ATP10D: variants seen among roughly 807,000 people sequenced by gnomAD.
ATP10D encodes the protein ATPase phospholipid transporting 10D (putative), also known as phospholipid-transporting ATPase VD.
A neutral mutation model predicts 144.8 loss-of-function variants in ATP10D; 89 were observed. The ratio of observed to expected loss-of-function variants is 0.61; its 90% confidence interval spans 0.52 to 0.73. The LOEUF (loss-of-function observed/expected upper bound fraction) is 0.73. Among genes scored for constraint, ATP10D ranks in the 30% least tolerant of loss-of-function variants. The pLI is 0.00. For synonymous variants in ATP10D, 571 were observed against 615.1 expected, an observed-to-expected ratio of 0.93 and a Z score of 1.06; for missense variants, 1,603 against 1,714.8, an observed-to-expected ratio of 0.93 and a Z score of 1.15.
At chr4:47,568,810 C>T (rs1351105759) in intron 15 of ATP10D, 27 bp from the exon 16 acceptor site, 4 of 1,594,400 alleles carry the variant, frequency 2.5e-6, no homozygotes, top group Non-Finnish European at 3.4e-6. Flanking sequence ...CGCCTGGAGG[C>T]TAACCACCTT....
chr4:47,485,427 C>T lies in ATP10D; in HGVS notation c.-130C>T, dbSNP rs1714693269. Reference sequence around the variant, plus strand: ...GCAAATGGCTGGCGTGGAAGCACAACCCGCTTTCACTCTTCGAATTTGTGC... The same window carrying T: ...GCAAATGGCTGGCGTGGAAGCACAATCCGCTTTCACTCTTCGAATTTGTGC... On this transcript the variant is annotated 5_prime_UTR_variant, in exon 1 of 23. Coordinates refer to ENST00000273859, the MANE Select transcript of ATP10D (RefSeq NM_020453.4). 1 of 151,832 alleles carries T rather than the reference C, an allele frequency of 6.6e-6. No individual in the cohort carries two copies. Among genetic ancestry groups the T allele is most frequent in the South Asian group, 2.1e-4 (1 of 4,816 alleles). The allele number at this position is 151,832 out of a possible 1,614,324, so 9.4% of individuals were successfully genotyped here. A position where few individuals can be genotyped will look rare whatever the true frequency, so the allele number is the denominator to read the frequency against.
chr4:47,537,798 GTT>G (rs887222631), intron 9 of ATP10D, among the ~76,000 whole-genome samples: 4 of 152,092 alleles, frequency 2.6e-5, no homozygotes, highest in Non-Finnish European at 5.9e-5. Context: ...CACTTAGTTT[GTT>G]AATATAAAAG....
Position 47,536,940 on chromosome 4 carries a change from T to C in ATP10D, c.1396+2T>C. 6.2e-7 allele frequency: 1 copy of C among 1,604,412 alleles called. No individual in the cohort carries two copies. Among genetic ancestry groups the C allele is most frequent in the Non-Finnish European group, 8.5e-7 (1 of 1,176,062 alleles). ...TTGATTACTGCCATGAAGAAAATGGTGAGTGTTGGATTTCCGTGAAAACCA... is the reference window on the plus strand; with the variant it reads ...TTGATTACTGCCATGAAGAAAATGGCGAGTGTTGGATTTCCGTGAAAACCA... On this transcript the variant is annotated splice_donor_variant, in intron 9 of 22. Transcript: ENST00000273859. LOFTEE classifies it high-confidence loss of function.
At chr4:47,554,677 A>G in intron 10 of ATP10D, 49 bp from the exon 11 acceptor site, 1 of 1,430,716 alleles carries the variant, frequency 7.0e-7, no homozygotes, top group Non-Finnish European at 9.4e-7. Flanking sequence ...ATTTAAAACT[A>G]ATTTTTATAT....
At chr4:47,503,170 C>G (rs955074402) in intron 1 of ATP10D, among the ~76,000 whole-genome samples, 7 of 152,056 alleles carry the variant, frequency 4.6e-5, no homozygotes, top group African/African-American at 1.7e-4. Context: ...CCACTGCACT[C>G]CAGCCTGGGT....
Position 47,529,706 on chromosome 4 carries a change from G to A in ATP10D, c.776+4064G>A, listed in dbSNP as rs147017774. 7.8e-3 allele frequency among the ~76,000 whole-genome samples: 1,189 copies of A among 152,044 alleles called. 18 individuals carry two copies. Among genetic ancestry groups the A allele is most frequent in the African/African-American group, 0.027 (1,102 of 41,470 alleles). On this transcript the variant is annotated intron_variant, in intron 5 of 22. Transcript: ENST00000273859. ...GACGTTGATATTTTATAGGAATTAC[G>A]TTGAATCTGTAGATTTCTTTGGGCA...
intron 3 of ATP10D, among the ~76,000 whole-genome samples, chr4:47,518,686 G>A (rs1030323072): frequency 1.3e-5 from 2 of 152,128 alleles, no homozygotes; most frequent in African/African-American, 4.8e-5. Flanking sequence ...TGTAAAATGA[G>A]AACTTCAGTA....
rs748053297 is a variant in ATP10D at position 47,535,930 on chromosome 4, C to T, written c.912C>T (p.Asn304=). 2 of 1,612,898 alleles carry T rather than the reference C, an allele frequency of 1.2e-6. No homozygotes were observed. The highest frequency in any genetic ancestry group is 3.3e-5 in the Admixed American group (2 of 59,866). The part of the protein sequence containing the change: ...AGHETKAMLN[N]SGPRYKRSKL... ...ATGAAACCAAAGCAATGCTGAACAA[C>T]AGTGGGCCACGGTATAAGCGCAGCA... is the stretch of plus-strand genomic sequence containing the variant. Residue 304 remains asparagine, a synonymous_variant, in exon 7 of 23, where the codon AAC becomes AAT. Transcript: ENST00000273859.
intron 5 of ATP10D, among the ~76,000 whole-genome samples, chr4:47,533,373 T>C (rs1157607833): frequency 6.6e-6 from 1 of 152,182 alleles, no homozygotes; most frequent in Non-Finnish European, 1.5e-5. Flanking sequence ...GGCCTGTGCA[T>C]GTGCAGGAAT....
In ATP10D at chr4:47,587,141, G is replaced by A. The variant is rs768738442; in HGVS notation, c.3876G>A (p.Glu1292=). 8 of 1,614,064 alleles carry A rather than the reference G, an allele frequency of 5.0e-6. No homozygotes were observed. The highest frequency in any genetic ancestry group is 6.8e-6 in the Non-Finnish European group (8 of 1,179,956). Reference sequence around the variant, plus strand: ...CCAACCCTTACTGGATTATGCAGGAGCACATGCTGGATCCAGTATTCTACT... The same window carrying A: ...CCAACCCTTACTGGATTATGCAGGAACACATGCTGGATCCAGTATTCTACT... ...PPSNPYWIMQ[E]HMLDPVFYLV... Residue 1292 remains glutamate, a synonymous_variant, in exon 22 of 23, where the codon GAG becomes GAA. Transcript: ENST00000273859.
At chr4:47,514,321 C>T (rs1430048888) in intron 2 of ATP10D, among the ~76,000 whole-genome samples, 1 of 151,854 alleles carries the variant, frequency 6.6e-6, no homozygotes, top group African/African-American at 2.4e-5. Flanking sequence ...ATCTAGTGTA[C>T]CCAATGGAAT....
At chr4:47,587,999 G>A (rs184591217) in intron 22 of ATP10D, among the ~76,000 whole-genome samples, 17 of 152,178 alleles carry the variant, frequency 1.1e-4, no homozygotes, top group Admixed American at 1.1e-3. Flanking sequence ...TCATGTAGTG[G>A]CATGAACCTA....
At chr4:47,517,001 G>A (rs1716723283) in intron 3 of ATP10D, among the ~76,000 whole-genome samples, 1 of 152,212 alleles carries the variant, frequency 6.6e-6, no homozygotes, top group African/African-American at 2.4e-5. Flanking sequence ...ACTTTACAAT[G>A]ATTATGTGAT....
intron 15 of ATP10D, among the ~76,000 whole-genome samples, chr4:47,566,706 T>G (rs528087817): frequency 2.6e-5 from 4 of 152,344 alleles, no homozygotes; most frequent in Admixed American, 2.6e-4. Flanking sequence ...GAGCTCTGAA[T>G]TAGCAAACAC....
rs146146861 is a variant in ATP10D at position 47,558,079 on chromosome 4, G to A, written c.2240G>A (p.Arg747Gln). 1.5e-5 allele frequency: 24 copies of A among 1,614,054 alleles called. No individual in the cohort carries two copies. Among genetic ancestry groups the A allele is most frequent in the South Asian group, 5.5e-5 (5 of 91,090 alleles). ...ARAYQCTLRSRTPEQVMVDFA... is the reference protein window; with the variant it reads ...ARAYQCTLRSQTPEQVMVDFA... ...GCTTACCAATGCACTTTACGGTCTCGGACACCAGAGCAGGTCATGGTGGAC... is the reference window on the plus strand; with the variant it reads ...GCTTACCAATGCACTTTACGGTCTCAGACACCAGAGCAGGTCATGGTGGAC... Residue 747 changes from arginine (R) to glutamine (Q), a missense_variant, in exon 12 of 23, where the codon CGG becomes CAG. Arg to Gln is a conservative substitution (Grantham distance 43). Transcript: ENST00000273859.
chr4:47,565,239 C>T (rs10034504), intron 15 of ATP10D, among the ~76,000 whole-genome samples: 34,533 of 152,114 alleles, frequency 0.23, 3,984 homozygotes, highest in Admixed American at 0.29. Context: ...GGATTACAGG[C>T]GTGAGCCACC....
chr4:47,525,785 G>T, intron 5 of ATP10D, 143 bp downstream of exon 5: 1 of 636,528 alleles, frequency 1.6e-6, no homozygotes, highest in Non-Finnish European at 2.7e-6. Context: ...AAATAGTTTG[G>T]CTTATTTTAA....
intron 16 of ATP10D, among the ~76,000 whole-genome samples, chr4:47,570,647 C>T (rs545714455): frequency 3.3e-5 from 5 of 151,850 alleles, no homozygotes; most frequent in Non-Finnish European, 7.4e-5. Flanking sequence ...CTACTACAAA[C>T]ACGAAACTTG....
At chr4:47,529,095 G>T (rs929316725) in intron 5 of ATP10D, among the ~76,000 whole-genome samples, 4 of 152,054 alleles carry the variant, frequency 2.6e-5, no homozygotes, top group Non-Finnish European at 4.4e-5. Context: ...TACATTGTCT[G>T]TTTACTCTCT....
Sources: allele counts gnomAD v4.1 joint callset (sites outside exome capture counted in the v4.1 genomes callset), GRCh38; gene constraint gnomAD v4.1.1; transcripts MANE v1.5; gene names NCBI Gene and HGNC (gene_info 2026-07-23, HGNC 2026-07-21).